PTPN1: variants seen among roughly 807,000 people sequenced by gnomAD.
The protein encoded by PTPN1 is tyrosine-protein phosphatase non-receptor type 1.
PTPN1 carries 12 observed loss-of-function variants against 59.9 expected under a neutral mutation model. The ratio of observed to expected loss-of-function variants is 0.20; its 90% confidence interval spans 0.13 to 0.32. PTPN1 has a LOEUF of 0.32. Ranked by LOEUF, PTPN1 falls within the 10% of genes least tolerant of loss-of-function variation. The pLI, the probability that PTPN1 is intolerant of heterozygous loss-of-function variation, is 1.00. For missense variants in PTPN1, 356 were observed against 549.2 expected (o/e 0.65, Z 3.52); for synonymous variants, 178 against 203.6 (o/e 0.87, Z 1.07).
chr20:50,545,003 G>A (rs868699867), intron 1 of PTPN1, among the ~76,000 whole-genome samples: 1 of 152,062 alleles, frequency 6.6e-6, no homozygotes, highest in African/African-American at 2.4e-5. Context: ...GTCTCAAAAA[G>A]TAATAATAAT....
Position 50,568,603 on chromosome 20 carries a change from T to A in PTPN1, c.354+125T>A. 4.1e-6 allele frequency: 3 copies of A among 737,202 alleles called. No homozygotes were observed. The highest frequency in any genetic ancestry group is 6.7e-6 in the Non-Finnish European group (3 of 447,072). The allele number at this position is 737,202 out of a possible 1,614,324, so 45.7% of individuals were successfully genotyped here. ...ATTTCCTTTACGTAGTATTTTTATT[T>A]AAAAAAATTAAAACAGCAGCATATA... On this transcript the variant is annotated intron_variant, in intron 4 of 9. Coordinates refer to ENST00000371621, the MANE Select transcript of PTPN1 (RefSeq NM_002827.4). The surrounding 1 kb of genome is among the most constrained non-coding windows in gnomAD (Gnocchi z 5.6).
chr20:50,578,090 C>A, intron 5 of PTPN1: 1 of 203,468 alleles, frequency 4.9e-6, no homozygotes, highest in Non-Finnish European at 1.0e-5. Context: ...GGGTGGCTGC[C>A]CAGCATCATT....
chr20:50,511,840 TG>T (rs2122713424), intron 1 of PTPN1, among the ~76,000 whole-genome samples: 1 of 152,350 alleles, frequency 6.6e-6, no homozygotes, highest in South Asian at 2.1e-4. Context: ...CAGATGATTC[TG>T]TTTTCAGCTT....
intron 4 of PTPN1, chr20:50,571,302 C>G (rs1601412200): frequency 6.6e-6 from 1 of 152,202 alleles, no homozygotes; most frequent in South Asian, 2.1e-4. Flanking sequence ...TGCCAGCAGT[C>G]CCTGCTTTCC....
At chr20:50,544,987 A>G (rs2082668669) in intron 1 of PTPN1, among the ~76,000 whole-genome samples, 4 of 151,956 alleles carry the variant, frequency 2.6e-5, no homozygotes. Context: ...GCCTGGGTGA[A>G]ACTCTGTCTC....
intron 1 of PTPN1, among the ~76,000 whole-genome samples, chr20:50,533,694 C>T (rs991968524): frequency 3.3e-5 from 5 of 152,022 alleles, no homozygotes; most frequent in Non-Finnish European, 7.4e-5. Context: ...ACCCTTGCCC[C>T]CCCCCAGAAA....
intron 1 of PTPN1, among the ~76,000 whole-genome samples, chr20:50,558,989 A>G (rs989082243): frequency 4.7e-5 from 7 of 149,978 alleles, no homozygotes; most frequent in Non-Finnish European, 1.0e-4. Context: ...GAAAAGGGGG[A>G]GCATGGATGA....
chr20:50,515,912 T>C (rs558777018), intron 1 of PTPN1, among the ~76,000 whole-genome samples: 12 of 152,336 alleles, frequency 7.9e-5, no homozygotes, highest in African/African-American at 2.9e-4. Context: ...GGTAATTTAG[T>C]ATTGCCTGCT....
At chr20:50,530,795 A>G (rs2082597613) in intron 1 of PTPN1, among the ~76,000 whole-genome samples, 1 of 149,056 alleles carries the variant, frequency 6.7e-6, no homozygotes, top group Admixed American at 6.6e-5. Flanking sequence ...CTGGGCTCGA[A>G]TGATCCTCCT....
intron 1 of PTPN1, among the ~76,000 whole-genome samples, chr20:50,523,252 G>A (rs962622744): frequency 1.3e-5 from 2 of 152,162 alleles, no homozygotes; most frequent in African/African-American, 4.8e-5. Context: ...GTGCAAAGAA[G>A]ATGGTGATCT....
At chr20:50,540,192 A>T (rs142602415) in intron 1 of PTPN1, among the ~76,000 whole-genome samples, 1,615 of 152,198 alleles carry the variant, frequency 0.011, 12 homozygotes, top group Middle Eastern at 0.017. Context: ...AGTAGCTGGG[A>T]TTACAGGCAT....
intron 1 of PTPN1, among the ~76,000 whole-genome samples, chr20:50,524,514 G>C (rs1276891633): frequency 7.0e-6 from 1 of 143,276 alleles, no homozygotes; most frequent in Non-Finnish European, 1.5e-5. Context: ...TTTAGTTGTT[G>C]TGAATTTTAA....
chr20:50,528,674 A>G (rs1350663559), intron 1 of PTPN1, among the ~76,000 whole-genome samples: 1 of 150,076 alleles, frequency 6.7e-6, no homozygotes, highest in Non-Finnish European at 1.5e-5. Flanking sequence ...AGATCACTCC[A>G]CTGCACTCCA....
intron 1 of PTPN1, among the ~76,000 whole-genome samples, chr20:50,533,005 GT>G (rs2122738671): frequency 6.6e-6 from 1 of 151,204 alleles, no homozygotes; most frequent in South Asian, 2.1e-4. Flanking sequence ...GTATTGCCCT[GT>G]TTTGTTCCTC....
Position 50,574,631 on chromosome 20 carries a change from C to G in PTPN1, c.469C>G (p.Gln157Glu). 1 of 1,603,812 alleles carries G rather than the reference C, an allele frequency of 6.2e-7. No individual in the cohort carries two copies. Among genetic ancestry groups the G allele is most frequent in the Non-Finnish European group, 8.5e-7 (1 of 1,176,902 alleles). ...EDIKSYYTVR[Q>E]LELENLTTQE... ...TATCAAGTCATATTATACAGTGCGA[C>G]AGCTAGAATTGGAAAACCTTACAGT... is the stretch of plus-strand genomic sequence containing the variant. Residue 157 changes from glutamine to glutamate, a missense_variant, in exon 5 of 10, where the codon CAG becomes GAG. This residue lies in a region of PTPN1 where 194 missense variants were observed against 344.2 expected (regional missense o/e 0.56). Coordinates refer to ENST00000371621, the MANE Select transcript of PTPN1 (RefSeq NM_002827.4).
At chr20:50,518,756 A>G (rs60515027) in intron 1 of PTPN1, among the ~76,000 whole-genome samples, 3,430 of 152,258 alleles carry the variant, frequency 0.023, 68 homozygotes, top group African/African-American at 0.052. Flanking sequence ...CCCTGTTGCC[A>G]TAGTGTTAAG....
intron 1 of PTPN1, among the ~76,000 whole-genome samples, chr20:50,543,793 G>A (rs1478629058): frequency 3.9e-5 from 6 of 152,072 alleles, no homozygotes; most frequent in African/African-American, 1.4e-4. Flanking sequence ...AAGCAATAAA[G>A]GAAATTGCAG....
intron 1 of PTPN1, among the ~76,000 whole-genome samples, chr20:50,558,341 C>A (rs1056955706): frequency 3.9e-5 from 6 of 152,142 alleles, no homozygotes; most frequent in Admixed American, 3.3e-4. Context: ...TTAATAGTAT[C>A]TTTTACTTAA....
At chr20:50,515,049 C>T (rs898844507) in intron 1 of PTPN1, among the ~76,000 whole-genome samples, 6 of 152,164 alleles carry the variant, frequency 3.9e-5, no homozygotes, top group Admixed American at 1.3e-4. Flanking sequence ...GCCGGTTACC[C>T]GTTAATATGG....
Sources: gnomAD v4.1 joint callset for allele counts (sites outside exome capture counted in the v4.1 genomes callset) on GRCh38, gnomAD v4.1.1 for gene constraint, gnomAD v4.1.1 regional missense constraint, Gnocchi (gnomAD v3.1) non-coding constraint, MANE v1.5 for transcripts, NCBI Gene and HGNC (gene_info 2026-07-23, HGNC 2026-07-21) for gene names.